Variants in BCAS3 observed in about 807,000 individuals in gnomAD.
The protein encoded by BCAS3 is BCAS3 microtubule associated cell migration factor.
In BCAS3, 53 loss-of-function variants were observed where a neutral mutation model predicts 116.1. The observed-to-expected ratio is 0.46, with a 90% CI of 0.37 to 0.57. BCAS3 has a LOEUF of 0.57. Ranked by LOEUF, BCAS3 falls within the 20% of genes least tolerant of loss-of-function variation. BCAS3 has a pLI of 0.00. For synonymous variants in BCAS3, 391 were observed against 408.2 expected, an observed-to-expected ratio of 0.96 and a Z score of 0.51; for missense variants, 917 against 1,165.4, an observed-to-expected ratio of 0.79 and a Z score of 3.10.
chr17:61,061,851 T>C (rs2070080104), intron 19 of BCAS3, among the ~76,000 whole-genome samples: 5 of 152,198 alleles, frequency 3.3e-5, no homozygotes, highest in Non-Finnish European at 7.3e-5. Context: ...AAACAACGTG[T>C]TTGAGCAGTT....
intron 22 of BCAS3, among the ~76,000 whole-genome samples, chr17:61,218,551 G>A (rs1441525440): frequency 1.3e-5 from 2 of 152,180 alleles, no homozygotes; most frequent in Admixed American, 6.5e-5. Context: ...AAGAGGCACA[G>A]GGATGGATCT....
chr17:61,167,259 G>A (rs1012965732), intron 22 of BCAS3, among the ~76,000 whole-genome samples: 9 of 152,270 alleles, frequency 5.9e-5, no homozygotes, highest in African/African-American at 2.2e-4. Context: ...AAAATTAATG[G>A]CACAGAGAGT....
intron 7 of BCAS3, among the ~76,000 whole-genome samples, chr17:60,824,775 G>A (rs190284729): frequency 3.7e-4 from 57 of 152,302 alleles, no homozygotes; most frequent in African/African-American, 1.2e-3. Flanking sequence ...TTGTGATTTA[G>A]GGGTGATTTC....
At chr17:61,318,590 C>G (rs935263447) in intron 22 of BCAS3, among the ~76,000 whole-genome samples, 1 of 152,310 alleles carries the variant, frequency 6.6e-6, no homozygotes, top group Non-Finnish European at 1.5e-5. Flanking sequence ...CAACAGATGA[C>G]GGGTTATTTC....
intron 5 of BCAS3, among the ~76,000 whole-genome samples, chr17:60,721,476 G>A (rs1472410360): frequency 6.6e-6 from 1 of 152,188 alleles, no homozygotes; most frequent in Non-Finnish European, 1.5e-5. Flanking sequence ...TCACTCCAGA[G>A]AACTCTTGCA....
Position 61,348,822 on chromosome 17 carries a change from G to A in BCAS3, c.2426-19505G>A, listed in dbSNP as rs909048796. Among the ~76,000 whole-genome samples, 6 of 144,512 alleles carry A rather than the reference G, an allele frequency of 4.2e-5. No individual in the cohort carries two copies. Among genetic ancestry groups the A allele is most frequent in the Admixed American group, 3.6e-4 (5 of 13,760 alleles). The allele number at this position is 144,512 out of a possible 152,430, so 94.8% of individuals were successfully genotyped here. ...GGCTGGAGTGCAGTGGCATGATACC[G>A]GCTCACTGCAAGCTCCGCCTCCCAG... On this transcript the variant is annotated intron_variant, in intron 22 of 23. Transcript: ENST00000407086. This position sits in a 1 kb window ranked among gnomAD's most constrained non-coding sequence, Gnocchi z 4.5.
intron 14 of BCAS3, among the ~76,000 whole-genome samples, chr17:60,980,071 G>T (rs375711389): frequency 6.6e-6 from 1 of 152,112 alleles, no homozygotes. Flanking sequence ...AGAGGGAATG[G>T]TACCAGTTCC....
In BCAS3 at chr17:61,128,514, T is replaced by C. The variant is rs550348643; in HGVS notation, c.2425+43950T>C. On this transcript the variant is annotated intron_variant, in intron 22 of 23. Transcript: ENST00000407086. The surrounding 1 kb of genome is among the most constrained non-coding windows in gnomAD (Gnocchi z 4.1). The stretch of plus-strand genomic sequence containing the variant: ...GAGGTTAACAAGCAATGGACAAACC[T>C]TCCGTTCTTCTCTATCCCAAATCGT... The C allele has an allele frequency of 8.5e-5, 84 of 985,388 alleles. No homozygotes were observed. Among genetic ancestry groups the C allele is most frequent in the Non-Finnish European group, 1.0e-4 (83 of 829,872 alleles). The allele number at this position is 985,388 out of a possible 1,614,324, so 61.0% of individuals were successfully genotyped here. A position where few individuals can be genotyped will look rare whatever the true frequency, so the allele number is the denominator to read the frequency against.
chr17:61,242,809 T>C (rs912740299), intron 22 of BCAS3, among the ~76,000 whole-genome samples: 2 of 150,848 alleles, frequency 1.3e-5, no homozygotes, highest in Admixed American at 6.7e-5. Context: ...ACTGCCTTCA[T>C]GAATTAACAC....
intron 10 of BCAS3, among the ~76,000 whole-genome samples, chr17:60,894,806 T>A (rs1297458672): frequency 6.6e-6 from 1 of 152,224 alleles, no homozygotes; most frequent in African/African-American, 2.4e-5. Flanking sequence ...ATGCTTTTTC[T>A]TGTATCTATT....
At chr17:60,952,168 T>C (rs2060879445) in intron 14 of BCAS3, among the ~76,000 whole-genome samples, 1 of 152,150 alleles carries the variant, frequency 6.6e-6, no homozygotes, top group Admixed American at 6.5e-5. Context: ...TTACTGTATA[T>C]TTTTTCCTGC....
chr17:61,236,705 A>G (rs2083090156), intron 22 of BCAS3, among the ~76,000 whole-genome samples: 1 of 152,196 alleles, frequency 6.6e-6, no homozygotes, highest in African/African-American at 2.4e-5. Context: ...AAGATGGTAT[A>G]AAGTAGTCAA....
chr17:60,868,560 C>CTTT lies in BCAS3; in HGVS notation c.477-12_477-10dup. 6.7e-7 allele frequency: 1 copy of CTTT among 1,491,126 alleles called. No homozygotes were observed. The highest frequency in any genetic ancestry group is 9.0e-7 in the Non-Finnish European group (1 of 1,115,192). The allele number at this position is 1,491,126 out of a possible 1,614,324, so 92.4% of individuals were successfully genotyped here. On this transcript the variant is annotated splice_polypyrimidine_tract_variant and intron_variant, in intron 7 of 23. Coordinates refer to ENST00000407086, the MANE Select transcript of BCAS3 (RefSeq NM_017679.5). ...TTTTAAAAAAATGACATTTTTCTTT[C>CTTT]TTTTTTCTTTTTTAGCACAAGCCCA...
At chr17:61,345,626 C>A (rs1273808302) in intron 22 of BCAS3, among the ~76,000 whole-genome samples, 1 of 152,152 alleles carries the variant, frequency 6.6e-6, no homozygotes, top group East Asian at 1.9e-4. Context: ...CACAGCTCAG[C>A]AGCCTGGATG....
rs573700415 is a variant in BCAS3, at chr17:60,967,863, T to C, written c.1221+20511T>C. The stretch of plus-strand genomic sequence containing the variant: ...GATGACTTCTTCAGTTCAGCAAATA[T>C]GTTTCTCAGTTCCAAGATTTCTATA... On this transcript the variant is annotated intron_variant, in intron 14 of 23. Transcript: ENST00000407086. This position sits in a 1 kb window ranked among gnomAD's most constrained non-coding sequence, Gnocchi z 4.7. Among the ~76,000 whole-genome samples the C allele has an allele frequency of 6.6e-6, 1 of 152,172 alleles. No homozygotes were observed. The highest frequency in any genetic ancestry group is 1.5e-5 in the Non-Finnish European group (1 of 68,042).
chr17:60,782,788 A>G (rs942392260), intron 6 of BCAS3, among the ~76,000 whole-genome samples: 2 of 151,382 alleles, frequency 1.3e-5, no homozygotes, highest in Non-Finnish European at 2.9e-5. Context: ...GGGCTTCACC[A>G]TGTTGGCCAG....
chr17:60,862,173 T>C (rs1364893682), intron 7 of BCAS3, among the ~76,000 whole-genome samples: 1 of 152,036 alleles, frequency 6.6e-6, no homozygotes. Flanking sequence ...GTCCCAGCTA[T>C]TCGAGAGGCT....
intron 9 of BCAS3, among the ~76,000 whole-genome samples, chr17:60,876,723 G>T (rs2055643392): frequency 6.6e-6 from 1 of 152,024 alleles, no homozygotes. Context: ...TGCTTTTGTA[G>T]TATGTCATCT....
chr17:60,813,126 G>A (rs1231539141), intron 7 of BCAS3, among the ~76,000 whole-genome samples: 1 of 152,026 alleles, frequency 6.6e-6, no homozygotes, highest in Non-Finnish European at 1.5e-5. Context: ...GCTTTTGCTT[G>A]ACCCTCAAGC....
Sources: allele counts gnomAD v4.1 joint callset (sites outside exome capture counted in the v4.1 genomes callset), GRCh38; gene constraint gnomAD v4.1.1; non-coding constraint Gnocchi (gnomAD v3.1); transcripts MANE v1.5; gene names NCBI Gene and HGNC (gene_info 2026-07-23, HGNC 2026-07-21).